TTC16: variants seen among roughly 807,000 people sequenced by gnomAD.
TTC16 encodes the protein tetratricopeptide repeat protein 16.
TTC16 carries 66 observed loss-of-function variants against 80.4 expected under a neutral mutation model. The observed-to-expected ratio is 0.82, with a 90% CI of 0.67 to 1.01. TTC16 has a LOEUF of 1.01. TTC16 is among the 50% of genes least tolerant of loss of function. TTC16 has a pLI of 0.00. For synonymous variants in TTC16, 438 were observed against 451.3 expected (o/e 0.97, Z 0.37); for missense variants, 1,070 against 1,103.2 (o/e 0.97, Z 0.43).
intron 12 of TTC16, 158 bp downstream of exon 12, chr9:127,727,623 A>G: frequency 7.2e-7 from 1 of 1,389,348 alleles, no homozygotes; most frequent in Non-Finnish European, 9.4e-7. Context: ...TTGCTATGAG[A>G]TGGGGATGGT....
chr9:127,731,197 C>G lies in TTC16; in HGVS notation c.2414C>G (p.Thr805Ser). Residue 805 changes from threonine to serine, a missense_variant, in exon 14 of 14, where the codon ACT becomes AGT. Transcript: ENST00000373289. ...GGACTGCTCCGAAGTTCCACCAAGA[C>G]TGAGGCTTTCTATGACTCAAACTGG... ...SRGLLRSSTK[T>S]EAFYDSNWSL... The G allele has an allele frequency of 1.2e-6, 2 of 1,612,914 alleles. No homozygotes were observed. The highest frequency in any genetic ancestry group is 1.7e-6 in the Non-Finnish European group (2 of 1,179,886).
At chr9:127,729,943 C>T (rs1348966462) in intron 13 of TTC16, 1 of 450,780 alleles carries the variant, frequency 2.2e-6, no homozygotes, top group Non-Finnish European at 4.1e-6. Context: ...TTGTGCATGG[C>T]CAGGGGGCTT....
At position 127,730,834 on chromosome 9, in the gene TTC16, A is replaced by C. The variant is rs1564396627; in HGVS notation, c.2051A>C (p.Lys684Thr). The part of the protein sequence containing the change: ...ATQGQRQSLS[K>T]TEPTQSQRRN... ...CAGGGCCAGAGGCAGAGCCTTAGCA[A>C]GACTGAGCCCACCCAGAGCCAGAGG... The change falls in exon 14 of 14, where the codon AAG becomes ACG. Residue 684 changes from lysine to threonine, a missense_variant. Physicochemically the swap from Lys to Thr is moderately conservative, Grantham distance 78. Coordinates refer to ENST00000373289, the MANE Select transcript of TTC16 (RefSeq NM_144965.3). 6.2e-7 allele frequency: 1 copy of C among 1,613,600 alleles called. No individual in the cohort carries two copies. Among genetic ancestry groups the C allele is most frequent in the Non-Finnish European group, 8.5e-7 (1 of 1,179,974 alleles).
intron 12 of TTC16, chr9:127,728,444 T>C (rs905096385): frequency 6.6e-6 from 1 of 152,232 alleles, no homozygotes; most frequent in Admixed American, 6.6e-5. Flanking sequence ...AGTACACTAA[T>C]GTTCAAAGGA....
intron 6 of TTC16, among the ~76,000 whole-genome samples, chr9:127,721,974 T>G (rs1439764192): frequency 1.3e-5 from 2 of 152,142 alleles, no homozygotes; most frequent in Non-Finnish European, 2.9e-5. Context: ...GACTAGTAAT[T>G]ATTGATAATT....
chr9:127,725,033 C>T (rs1322426228), intron 9 of TTC16, 136 bp downstream of exon 9: 27 of 1,087,350 alleles, frequency 2.5e-5, no homozygotes, highest in Non-Finnish European at 3.3e-5. Context: ...GTAATCCCCA[C>T]GCAGGTGGAT....
chr9:127,717,180 C>T (rs1481430529), intron 2 of TTC16, 154 bp from the exon 3 acceptor site: 21 of 1,181,266 alleles, frequency 1.8e-5, no homozygotes, highest in Non-Finnish European at 2.4e-5. Flanking sequence ...TGGCTGGACT[C>T]CAGGAACACC....
rs1844036314 is a variant in TTC16 at position 127,727,041 on chromosome 9, C to T, written c.1497C>T (p.His499=). 6.2e-7 allele frequency: 1 copy of T among 1,612,392 alleles called. No individual in the cohort carries two copies. Among genetic ancestry groups the T allele is most frequent in the South Asian group, 1.1e-5 (1 of 90,980 alleles). Residue 499 remains histidine, a synonymous_variant, in exon 11 of 14, where the codon CAC becomes CAT. Transcript: ENST00000373289. ...VEEVLSTQIA[H]LARLQLEQMV... ...AGGTGCTTAGCACCCAGATAGCCCA[C>T]CTGGCCAGGCTGCAGCTGGAGCAGA... is the stretch of plus-strand genomic sequence containing the variant.
rs1406258635 is a variant in TTC16 at position 127,727,429 on chromosome 9, TGAG to T, written c.1737_1739del (p.Glu581del). 6.2e-7 allele frequency: 1 copy of T among 1,604,282 alleles called. No individual in the cohort carries two copies. The highest frequency in any genetic ancestry group is 8.5e-7 in the Non-Finnish European group (1 of 1,176,146). ...GCTCAGAGGGAGAGGCTGAGGCCCC[TGAG>T]GAGGAGGAAGAAAAGGAGAAGGAGA... is the stretch of plus-strand genomic sequence containing the variant. On this transcript the variant is annotated inframe_deletion, in exon 12 of 14. Transcript: ENST00000373289.
In TTC16 at chr9:127,722,208, A is replaced by AG. The variant is rs1346927778; in HGVS notation, c.658-910dup. 2.0e-5 allele frequency among the ~76,000 whole-genome samples: 3 copies of AG among 152,084 alleles called. No individual in the cohort carries two copies. The highest frequency in any genetic ancestry group is 1.5e-5 in the Non-Finnish European group (1 of 68,000). On this transcript the variant is annotated intron_variant, in intron 6 of 13. Coordinates refer to ENST00000373289, the MANE Select transcript of TTC16 (RefSeq NM_144965.3). This position sits in a 1 kb window ranked among gnomAD's most constrained non-coding sequence, Gnocchi z 4.2. ...CTGCTTATGCCGAAGCCCTGCCCCT[A>AG]GCTCCTGCCATTTCCCTCCCTCCCT...
At chr9:127,724,589 C>G in intron 8 of TTC16, 167 bp from the exon 9 acceptor site, 1 of 1,133,684 alleles carries the variant, frequency 8.8e-7, no homozygotes, top group Non-Finnish European at 1.2e-6. Context: ...AAACAGGCAG[C>G]TGGGGAACAG....
In TTC16 at chr9:127,722,025, C is replaced by T. The variant is rs1207064990; in HGVS notation, c.658-1094C>T. Reference sequence around the variant, plus strand: ...GATTTTAGCCCCTCCGATACGTAGGCGTGTTCTCAGCACTTTGCCCCTGCT... The same window carrying T: ...GATTTTAGCCCCTCCGATACGTAGGTGTGTTCTCAGCACTTTGCCCCTGCT... On this transcript the variant is annotated intron_variant, in intron 6 of 13. Transcript: ENST00000373289. The surrounding 1 kb of genome is among the most constrained non-coding windows in gnomAD (Gnocchi z 4.2). Among the ~76,000 whole-genome samples the T allele has an allele frequency of 2.0e-5, 3 of 152,174 alleles. No homozygotes were observed. The highest frequency in any genetic ancestry group is 7.2e-5 in the African/African-American group (3 of 41,432).
In TTC16 at chr9:127,722,131, C is replaced by T. The variant is rs963452623; in HGVS notation, c.658-988C>T. On this transcript the variant is annotated intron_variant, in intron 6 of 13. Coordinates refer to ENST00000373289, the MANE Select transcript of TTC16 (RefSeq NM_144965.3). The surrounding 1 kb of genome is among the most constrained non-coding windows in gnomAD (Gnocchi z 4.2). ...CAGAGGAAGAGCCAGCCCCAGGTGA[C>T]TTGCCCAAGGTCACACAGCCTGTTC... is the stretch of plus-strand genomic sequence containing the variant. Among the ~76,000 whole-genome samples the T allele has an allele frequency of 2.0e-5, 3 of 152,202 alleles. No homozygotes were observed. Among genetic ancestry groups the T allele is most frequent in the Non-Finnish European group, 4.4e-5 (3 of 68,032 alleles).
At position 127,717,616 on chromosome 9, in the gene TTC16, C is replaced by T. The variant is rs376777072; in HGVS notation, c.283-13C>T. ...TGGGGAGGATCTAGCAGCCTGGGTC[C>T]CCTCACCCTCAGGTGGACTTCTATG... On this transcript the variant is annotated splice_polypyrimidine_tract_variant and intron_variant, in intron 3 of 13. Transcript: ENST00000373289. The T allele has an allele frequency of 4.3e-6, 7 of 1,612,288 alleles. No individual in the cohort carries two copies. In the African/African-American group the frequency reaches 6.7e-5, roughly 15 times the overall value.
intron 1 of TTC16, chr9:127,716,434 A>G: frequency 1.7e-6 from 1 of 585,044 alleles, no homozygotes; most frequent in East Asian, 2.9e-5. Flanking sequence ...TGAGGTGCTC[A>G]GTGTGGCCTG....
In TTC16 at chr9:127,716,906, C is replaced by T; in HGVS notation, c.81C>T (p.Ala27=). 1 of 1,614,052 alleles carries T rather than the reference C, an allele frequency of 6.2e-7. No individual in the cohort carries two copies. Among genetic ancestry groups the T allele is most frequent in the Non-Finnish European group, 8.5e-7 (1 of 1,179,998 alleles). The part of the protein sequence containing the change: ...RDIPKPWVIP[A]PKGILQHIFG... ...TCCCAAAGCCATGGGTGATTCCAGC[C>T]CCCAAAGGGATCCTGCAGCACATCT... is the stretch of plus-strand genomic sequence containing the variant. Residue 27 remains alanine, a synonymous_variant, in exon 2 of 14, where the codon GCC becomes GCT. Coordinates refer to ENST00000373289, the MANE Select transcript of TTC16 (RefSeq NM_144965.3).
At chr9:127,719,712 C>A (rs1430378808) in intron 4 of TTC16, among the ~76,000 whole-genome samples, 4 of 152,178 alleles carry the variant, frequency 2.6e-5, no homozygotes, top group Admixed American at 2.0e-4. Context: ...AGGCTGGCCT[C>A]AAACTCCTGG....
chr9:127,717,399 G>A lies in TTC16; in HGVS notation c.257G>A (p.Arg86His), dbSNP rs775782187. 3.5e-5 allele frequency: 57 copies of A among 1,613,200 alleles called. 1 individual carries two copies. Among genetic ancestry groups the A allele is most frequent in the East Asian group, 1.8e-4 (8 of 44,878 alleles). ...GAGACAGCTGTGCTGCTCTTCTCCCGCGCACTCCACCTGGACCCACAGCTG... is the reference window on the plus strand; with the variant it reads ...GAGACAGCTGTGCTGCTCTTCTCCCACGCACTCCACCTGGACCCACAGCTG... ...DWETAVLLFS[R>H]ALHLDPQLVD... The change falls in exon 3 of 14, where the codon CGC becomes CAC. Residue 86 changes from arginine to histidine, a missense_variant. Coordinates refer to ENST00000373289, the MANE Select transcript of TTC16 (RefSeq NM_144965.3).
rs763537381 is a variant in TTC16 at position 127,731,079 on chromosome 9, C to T, written c.2296C>T (p.Arg766Trp). The change falls in exon 14 of 14, where the codon CGG becomes TGG. Residue 766 changes from arginine to tryptophan, a missense_variant. Coordinates refer to ENST00000373289, the MANE Select transcript of TTC16 (RefSeq NM_144965.3). ...GGAGCCCAGCAAGACCAAGACCACC[C>T]GGAGCCCAAGGCAGAGGCCCAGAAA... ...RQEPSKTKTT[R>W]SPRQRPRKVK... The T allele has an allele frequency of 1.1e-5, 18 of 1,612,026 alleles. No individual in the cohort carries two copies. Among genetic ancestry groups the T allele is most frequent in the East Asian group, 2.2e-5 (1 of 44,844 alleles).
Sources: allele counts gnomAD v4.1 joint callset (sites outside exome capture counted in the v4.1 genomes callset), GRCh38; gene constraint gnomAD v4.1.1; non-coding constraint Gnocchi (gnomAD v3.1); transcripts MANE v1.5; gene names NCBI Gene and HGNC (gene_info 2026-07-23, HGNC 2026-07-21).